The following NAP1L3 variants were observed in gnomAD, a reference collection of about 807,000 sequenced individuals.
NAP1L3 encodes the protein nucleosome assembly protein 1-like 3.
For missense variants in NAP1L3, 378 were observed against 369.9 expected, an observed-to-expected ratio of 1.02 and a Z score of -0.18; for synonymous variants, 127 against 131.9, an observed-to-expected ratio of 0.96 and a Z score of 0.25.
At position 93,673,459 on chromosome X, in the gene NAP1L3, T is replaced by C. The variant is rs1924459916; in HGVS notation, c.-155A>G. 1 of 934,798 alleles carries C rather than the reference T, an allele frequency of 1.1e-6. No homozygotes were observed. The allele number at this position is 934,798 out of a possible 1,213,427, so 77.0% of individuals were successfully genotyped here. A position where few individuals can be genotyped will look rare whatever the true frequency, so the allele number is the denominator to read the frequency against. ...CGCAGAGCGGAGCTGGAGCTGGGGA[T>C]GCAGAGGCCGGCGCTGAGGTGGCAG... On this transcript the variant is annotated 5_prime_UTR_variant, in exon 1 of 1. Transcript: ENST00000373079.
At position 93,671,922 on chromosome X, in the gene NAP1L3, G is replaced by T; in HGVS notation, c.1383C>A (p.Ile461=). The part of the protein sequence containing the change: ...IGKLEPREDA[I]LDEDFEIGQI... ...GCCCAATTTCAAAGTCCTCATCCAGGATAGCATCTTCTCGTGGTTCCAGCT... is the reference window on the plus strand; with the variant it reads ...GCCCAATTTCAAAGTCCTCATCCAGTATAGCATCTTCTCGTGGTTCCAGCT... Residue 461 remains isoleucine, a synonymous_variant, in exon 1 of 1, where the codon ATC becomes ATA. Transcript: ENST00000373079. 1 of 1,210,646 alleles carries T rather than the reference G, an allele frequency of 8.3e-7. No individual in the cohort carries two copies. The highest frequency in any genetic ancestry group is 1.1e-6 in the Non-Finnish European group (1 of 894,949).
At position 93,673,198 on chromosome X, in the gene NAP1L3, C is replaced by T; in HGVS notation, c.107G>A (p.Ser36Asn). 8.3e-7 allele frequency: 1 copy of T among 1,211,568 alleles called. No individual in the cohort carries two copies. Among genetic ancestry groups the T allele is most frequent in the South Asian group, 1.8e-5 (1 of 56,971 alleles). The change falls in exon 1 of 1, where the codon AGT (serine) becomes AAT (asparagine). Residue 36 changes from serine (S) to asparagine (N), a missense_variant. Coordinates refer to ENST00000373079, the MANE Select transcript of NAP1L3 (RefSeq NM_004538.6). The stretch of plus-strand genomic sequence containing the variant: ...GTCACTAGTGCTGCTGCTAGAGCTA[C>T]TGCTGTCAGATTCTTCCCCAGAATC... ...TSDSGEESDS[S>N]SSSSSTSDSS...
In NAP1L3 at chrX:93,671,257, CA is replaced by C. The variant is rs1924349942; in HGVS notation, c.*526del. On this transcript the variant is annotated 3_prime_UTR_variant, in exon 1 of 1. Coordinates refer to ENST00000373079, the MANE Select transcript of NAP1L3 (RefSeq NM_004538.6). Reference sequence around the variant, plus strand: ...TGTATGCTAATCTTTTTCAAGCAGTCAAACTTCAAAATACACTGTTTTATTT... The same window carrying C: ...TGTATGCTAATCTTTTTCAAGCAGTCAACTTCAAAATACACTGTTTTATTT... 8.9e-6 allele frequency: 1 copy of C among 112,598 alleles called. No individual in the cohort carries two copies. The highest frequency in any genetic ancestry group is 9.4e-5 in the Admixed American group (1 of 10,587). The allele number at this position is 112,598 out of a possible 1,213,427, so 9.3% of individuals were successfully genotyped here. A position where few individuals can be genotyped will look rare whatever the true frequency, so the allele number is the denominator to read the frequency against.
At position 93,671,887 on chromosome X, in the gene NAP1L3, T is replaced by A; in HGVS notation, c.1418A>T (p.His473Leu). 1.7e-6 allele frequency: 2 copies of A among 1,211,038 alleles called. No homozygotes were observed. The highest frequency in any genetic ancestry group is 2.2e-6 in the Non-Finnish European group (2 of 895,054). The change falls in exon 1 of 1, where the codon CAT becomes CTT. Residue 473 changes from histidine (H) to leucine (L), a missense_variant. Physicochemically the swap from His to Leu is moderately conservative, Grantham distance 99. Transcript: ENST00000373079. ...GATTGATTTCAGGATGACATTATCA[T>A]GTAAAATCTGCCCAATTTCAAAGTC... ...DEDFEIGQIL[H>L]DNVILKSIYY...
Position 93,672,251 on chromosome X carries a change from G to A in NAP1L3, c.1054C>T (p.Gln352Ter). The change falls in exon 1 of 1, where the codon CAG (glutamine) becomes TAG (stop). Residue 352 changes from glutamine (Q) to a stop codon, truncating the protein, a stop_gained. Transcript: ENST00000373079. LOFTEE classifies it low-confidence loss of function (END_TRUNC). ...DVSLKFSKPG[Q>*]PVSYTFEFHF... ...AATTCAAAGGTGTAACTTACAGGCTGGCCAGGTTTTGAGAACTTCAGGCTA... is the reference window on the plus strand; with the variant it reads ...AATTCAAAGGTGTAACTTACAGGCTAGCCAGGTTTTGAGAACTTCAGGCTA... 8.3e-7 allele frequency: 1 copy of A among 1,211,661 alleles called. No individual in the cohort carries two copies. The highest frequency in any genetic ancestry group is 1.1e-6 in the Non-Finnish European group (1 of 895,481).
Position 93,671,853 on chromosome X carries a change from A to G in NAP1L3, c.1452T>C (p.Tyr484=), listed in dbSNP as rs763082792. Residue 484 remains tyrosine (Y), a synonymous_variant, in exon 1 of 1, where the codon TAT becomes TAC. Transcript: ENST00000373079. ...DNVILKSIYY[Y]TGEVNGTYYQ... ...AGTAGGTACCATTGACTTCTCCAGT[A>G]TAGTAATAGATTGATTTCAGGATGA... The G allele has an allele frequency of 8.3e-7, 1 of 1,211,359 alleles. No homozygotes were observed.
Position 93,673,115 on chromosome X carries a change from TGCTGCTGCTGCTGCCGCTGCC to T in NAP1L3, c.169_189del (p.Gly57_Ser63del), listed in dbSNP as rs754317513. 5.3e-3 allele frequency: 6,362 copies of T among 1,195,279 alleles called. 53 individuals carry two copies. The highest frequency in any genetic ancestry group is 0.044 in the Admixed American group (1,971 of 44,993). ...CTGCGGCTGCTAGTGCTGCCGCTGC[TGCTGCTGCTGCTGCCGCTGCC>T]GCTGCTGCTGCCACTAGTGCTGCTG... is the stretch of plus-strand genomic sequence containing the variant. On this transcript the variant is annotated inframe_deletion, in exon 1 of 1. Coordinates refer to ENST00000373079, the MANE Select transcript of NAP1L3 (RefSeq NM_004538.6).
At position 93,673,162 on chromosome X, in the gene NAP1L3, C is replaced by T; in HGVS notation, c.143G>A (p.Ser48Asn). The T allele has an allele frequency of 8.3e-7, 1 of 1,210,867 alleles. No homozygotes were observed. The highest frequency in any genetic ancestry group is 1.1e-6 in the Non-Finnish European group (1 of 895,231). The change falls in exon 1 of 1, where the codon AGC becomes AAC. Residue 48 changes from serine to asparagine, a missense_variant. Coordinates refer to ENST00000373079, the MANE Select transcript of NAP1L3 (RefSeq NM_004538.6). The stretch of plus-strand genomic sequence containing the variant: ...GCTGCTGCTGCCACTAGTGCTGCTG[C>T]TGCTGCTGCTGTCACTAGTGCTGCT... Reference protein sequence around the residue: ...SSSSTSDSSSSSSTSGSSSGS... With the variant: ...SSSSTSDSSSNSSTSGSSSGS...
rs1924341633 is a variant in NAP1L3, at chrX:93,670,961, T to A, written c.*823A>T. On this transcript the variant is annotated 3_prime_UTR_variant, in exon 1 of 1. Coordinates refer to ENST00000373079, the MANE Select transcript of NAP1L3 (RefSeq NM_004538.6). ...TAGTATAACACACTTTAATATTTAT[T>A]TATTTTAGGTTGCAATACAAGAACA... is the stretch of plus-strand genomic sequence containing the variant. The A allele has an allele frequency of 8.9e-6, 1 of 112,021 alleles. No individual in the cohort carries two copies. The highest frequency in any genetic ancestry group is 1.9e-5 in the Non-Finnish European group (1 of 53,250). 9.2% of individuals were successfully genotyped at this position (112,021 alleles called of 1,213,427 possible).
Position 93,673,532 on chromosome X carries a change from G to T in NAP1L3, c.-228C>A, listed in dbSNP as rs1924463451. 15 of 462,350 alleles carry T rather than the reference G, an allele frequency of 3.2e-5. No individual in the cohort carries two copies. The highest frequency in any genetic ancestry group is 4.9e-5 in the Non-Finnish European group (14 of 284,301). 38.1% of individuals were successfully genotyped at this position (462,350 alleles called of 1,213,427 possible). A position where few individuals can be genotyped will look rare whatever the true frequency, so the allele number is the denominator to read the frequency against. On this transcript the variant is annotated 5_prime_UTR_variant, in exon 1 of 1. Coordinates refer to ENST00000373079, the MANE Select transcript of NAP1L3 (RefSeq NM_004538.6). ...AGCGGTGGCGGCAAGGCCTCTCCCG[G>T]CTGCAGCTAGAGTGCCGAGATGTAC...
In NAP1L3 at chrX:93,672,362, A is replaced by C. The variant is rs1924387525; in HGVS notation, c.943T>G (p.Trp315Gly). The C allele has an allele frequency of 8.3e-7, 1 of 1,209,170 alleles. No individual in the cohort carries two copies. Among genetic ancestry groups the C allele is most frequent in the Non-Finnish European group, 1.1e-6 (1 of 895,051 alleles). ...TCAACATTCTTTAAAACAATCAGCC[A>C]ATAGTCAGGAATGCCTTTAGGGTCT... is the stretch of plus-strand genomic sequence containing the variant. Reference protein sequence around the residue: ...REDPKGIPDYWLIVLKNVDKL... With the variant: ...REDPKGIPDYGLIVLKNVDKL... The change falls in exon 1 of 1, where the codon TGG becomes GGG. Residue 315 changes from tryptophan (W) to glycine (G), a missense_variant. Physicochemically the swap from Trp to Gly is radical, Grantham distance 184 (BLOSUM62 -2). Transcript: ENST00000373079.
At position 93,673,324 on chromosome X, in the gene NAP1L3, T is replaced by C. The variant is rs372945820; in HGVS notation, c.-20A>G. 1.5e-4 allele frequency: 176 copies of C among 1,152,555 alleles called. No individual in the cohort carries two copies. The highest frequency in any genetic ancestry group is 1.9e-4 in the Non-Finnish European group (165 of 866,941). The allele number at this position is 1,152,555 out of a possible 1,213,427, so 95.0% of individuals were successfully genotyped here. A position where few individuals can be genotyped will look rare whatever the true frequency, so the allele number is the denominator to read the frequency against. ...TGCCATCTTGCAAGCCTACAAACTC[T>C]ACCAGGGAGACCGCGCGACCAGAGA... On this transcript the variant is annotated 5_prime_UTR_variant, in exon 1 of 1. Transcript: ENST00000373079.
At position 93,672,759 on chromosome X, in the gene NAP1L3, A is replaced by G. The variant is rs749164759; in HGVS notation, c.546T>C (p.Pro182=). The change falls in exon 1 of 1, where the codon CCT becomes CCC. Residue 182 remains proline (P), a synonymous_variant. Transcript: ENST00000373079. Reference sequence around the variant, plus strand: ...CACCCTCTAAGGGAGGCATTTCACTAGGGGTGTTATCCTGCACCTCCTCAT... The same window carrying G: ...CACCCTCTAAGGGAGGCATTTCACTGGGGGTGTTATCCTGCACCTCCTCAT... ...SSDEEVQDNT[P]SEMPPLEGEE... 12 of 1,208,591 alleles carry G rather than the reference A, an allele frequency of 9.9e-6. No homozygotes were observed. In the South Asian group the frequency reaches 1.9e-4, roughly 20 times the overall value.
At position 93,671,728 on chromosome X, in the gene NAP1L3, T is replaced by C; in HGVS notation, c.*56A>G. The C allele has an allele frequency of 8.8e-7, 1 of 1,136,311 alleles. No individual in the cohort carries two copies. The highest frequency in any genetic ancestry group is 1.2e-6 in the Non-Finnish European group (1 of 859,937). 93.6% of individuals were successfully genotyped at this position (1,136,311 alleles called of 1,213,427 possible). On this transcript the variant is annotated 3_prime_UTR_variant, in exon 1 of 1. Transcript: ENST00000373079. Reference sequence around the variant, plus strand: ...GGGTTTTACTTTTTTCAAGGCTGTATGAATCTGCTTCACTTCTTGAGATTT... The same window carrying C: ...GGGTTTTACTTTTTTCAAGGCTGTACGAATCTGCTTCACTTCTTGAGATTT...
Position 93,671,705 on chromosome X carries a change from G to C in NAP1L3, c.*79C>G. 1 of 1,106,969 alleles carries C rather than the reference G, an allele frequency of 9.0e-7. No homozygotes were observed. The highest frequency in any genetic ancestry group is 1.2e-6 in the Non-Finnish European group (1 of 846,721). 91.2% of individuals were successfully genotyped at this position (1,106,969 alleles called of 1,213,427 possible). ...AATAGTGTTCAGGTTACAGGTCAGG[G>C]TTTTACTTTTTTCAAGGCTGTATGA... On this transcript the variant is annotated 3_prime_UTR_variant, in exon 1 of 1. Transcript: ENST00000373079.
Position 93,673,134 on chromosome X carries a change from G to C in NAP1L3, c.171C>G (p.Gly57=), listed in dbSNP as rs1924439782. ...CGCTGCTGCTGCTGCTGCTGCCGCT[G>C]CCGCTGCTGCTGCCACTAGTGCTGC... ...SSSSTSGSSS[G]SGSSSSSSGS... Residue 57 remains glycine (G), a synonymous_variant, in exon 1 of 1, where the codon GGC becomes GGG. Coordinates refer to ENST00000373079, the MANE Select transcript of NAP1L3 (RefSeq NM_004538.6). 8.4e-7 allele frequency: 1 copy of C among 1,195,648 alleles called. No individual in the cohort carries two copies. The highest frequency in any genetic ancestry group is 1.8e-5 in the African/African-American group (1 of 56,816).
Position 93,673,190 on chromosome X carries a change from T to C in NAP1L3, c.115A>G (p.Ser39Gly). ...SGEESDSSSSSSSTSDSSSSS... is the reference protein window; with the variant it reads ...SGEESDSSSSGSSTSDSSSSS... ...CTGCTGCTGTCACTAGTGCTGCTGC[T>C]AGAGCTACTGCTGTCAGATTCTTCC... Residue 39 changes from serine (S) to glycine (G), a missense_variant, in exon 1 of 1, where the codon AGC (serine) becomes GGC (glycine). Ser to Gly is a moderately conservative substitution (Grantham distance 56). Transcript: ENST00000373079. The C allele has an allele frequency of 8.3e-7, 1 of 1,211,621 alleles. No individual in the cohort carries two copies. The highest frequency in any genetic ancestry group is 1.1e-6 in the Non-Finnish European group (1 of 895,415).
In NAP1L3 at chrX:93,672,754, T is replaced by G; in HGVS notation, c.551A>C (p.Glu184Ala). The G allele has an allele frequency of 8.3e-7, 1 of 1,210,989 alleles. No individual in the cohort carries two copies. The highest frequency in any genetic ancestry group is 1.1e-6 in the Non-Finnish European group (1 of 895,287). ...DEEVQDNTPS[E>A]MPPLEGEEEE... ...TTCCTCACCCTCTAAGGGAGGCATT[T>G]CACTAGGGGTGTTATCCTGCACCTC... is the stretch of plus-strand genomic sequence containing the variant. Residue 184 changes from glutamate (E) to alanine (A), a missense_variant, in exon 1 of 1, where the codon GAA becomes GCA. By Grantham distance (107) the Glu-to-Ala change is moderately radical (BLOSUM62 -1). Coordinates refer to ENST00000373079, the MANE Select transcript of NAP1L3 (RefSeq NM_004538.6).
Sources: allele counts gnomAD v4.1 joint callset, GRCh38; gene constraint gnomAD v4.1.1; transcripts MANE v1.5; gene names NCBI Gene and HGNC (gene_info 2026-07-23, HGNC 2026-07-21).